Variants in PVT1 observed in about 807,000 individuals in gnomAD.
PVT1 encodes Pvt1 oncogene, also known as CXCR4/PVT1 fusion.
rs184867240 is a variant in PVT1 at position 128,005,974 on chromosome 8, G to A, written n.912+16683G>A. 9.4e-4 allele frequency among the ~76,000 whole-genome samples: 143 copies of A among 151,992 alleles called. 1 individual carries two copies. The highest frequency in any genetic ancestry group is 1.7e-3 in the Non-Finnish European group (113 of 67,958). ...AAAAATTAGCCAGATGTGGTAGTGC[G>A]CGCCTGTAGTCCCAGCTACTCAGGG... is the stretch of plus-strand genomic sequence containing the variant. On this transcript the variant is annotated intron_variant and non_coding_transcript_variant, in intron 4 of 10. Coordinates refer to ENST00000651587, the Ensembl canonical transcript of PVT1.
chr8:128,083,444 C>G (rs902832794), intron 5 of PVT1, among the ~76,000 whole-genome samples: 1 of 152,200 alleles, frequency 6.6e-6, no homozygotes, highest in Non-Finnish European at 1.5e-5. Flanking sequence ...GAAACTCCCC[C>G]TAAAATCTGT....
intron 2 of PVT1, among the ~76,000 whole-genome samples, chr8:127,864,286 G>A (rs1345814669): frequency 5.9e-5 from 9 of 152,002 alleles, no homozygotes; most frequent in East Asian, 1.9e-4. Flanking sequence ...AGAGCCTGCC[G>A]GCTGGAACTG....
At chr8:127,901,980 A>G (rs930287114) in intron 3 of PVT1, among the ~76,000 whole-genome samples, 4 of 151,886 alleles carry the variant, frequency 2.6e-5, no homozygotes, top group African/African-American at 7.3e-5. Flanking sequence ...AGTGCATACT[A>G]TGAAATAACC....
intron 2 of PVT1, among the ~76,000 whole-genome samples, chr8:127,883,355 G>T (rs1815490920): frequency 6.6e-6 from 1 of 152,120 alleles, no homozygotes; most frequent in Admixed American, 6.5e-5. Flanking sequence ...GCGCAGAGGT[G>T]GTCTGTTGGT....
intron 2 of PVT1, among the ~76,000 whole-genome samples, chr8:127,809,029 CAAAAAAAAAAAAAA>C (rs1158760672): frequency 3.5e-5 from 1 of 28,286 alleles, no homozygotes; most frequent in Admixed American, 4.4e-4. Flanking sequence ...GATTCCATCT[CAAAAAAAAAAAAAA>C]AAAAAAAAAA....
chr8:128,077,920 A>T (rs961462407), intron 5 of PVT1, among the ~76,000 whole-genome samples: 3 of 152,158 alleles, frequency 2.0e-5, no homozygotes, highest in African/African-American at 7.2e-5. Flanking sequence ...GGGTTGGTGG[A>T]TGGGGTAGAA....
chr8:127,924,508 A>ATT (rs140569442), intron 3 of PVT1, among the ~76,000 whole-genome samples: 9 of 92,198 alleles, frequency 9.8e-5, no homozygotes, highest in African/African-American at 1.4e-4. Context: ...TAACTTTTGT[A>ATT]TTTTTTTTTT....
At chr8:127,814,454 G>T (rs931763040) in intron 2 of PVT1, among the ~76,000 whole-genome samples, 1 of 152,186 alleles carries the variant, frequency 6.6e-6, no homozygotes, top group Non-Finnish European at 1.5e-5. Context: ...AGTTCCAGCT[G>T]CACGCTGGGC....
At position 127,797,221 on chromosome 8, in the gene PVT1, G is replaced by A. The variant is rs186415059; in HGVS notation, n.372+1150G>A. Reference sequence around the variant, plus strand: ...CTAATTTTGTATTTTTAGTAGAGACGGAGTTTCTCCAGATTGGTCAAGCTG... The same window carrying A: ...CTAATTTTGTATTTTTAGTAGAGACAGAGTTTCTCCAGATTGGTCAAGCTG... On this transcript the variant is annotated intron_variant and non_coding_transcript_variant, in intron 2 of 10. Coordinates refer to ENST00000651587, the Ensembl canonical transcript of PVT1. Among the ~76,000 whole-genome samples, 88 of 152,272 alleles carry A rather than the reference G, an allele frequency of 5.8e-4. 1 individual carries two copies. The highest frequency in any genetic ancestry group is 4.2e-3 in the Admixed American group (64 of 15,294).
At chr8:127,802,462 T>C (rs577404532) in intron 2 of PVT1, among the ~76,000 whole-genome samples, 35 of 151,540 alleles carry the variant, frequency 2.3e-4, no homozygotes, top group Middle Eastern at 3.5e-3. Context: ...GCAATCTGCC[T>C]TCCTCAGCCT....
At chr8:128,020,386 C>T (rs763044872) in intron 4 of PVT1, among the ~76,000 whole-genome samples, 10 of 152,274 alleles carry the variant, frequency 6.6e-5, no homozygotes, top group African/African-American at 9.6e-5. Context: ...AGGTTTTCTC[C>T]GACTGTGATC....
chr8:127,910,835 T>A (rs1421002990), intron 3 of PVT1, among the ~76,000 whole-genome samples: 2 of 152,090 alleles, frequency 1.3e-5, no homozygotes, highest in Non-Finnish European at 2.9e-5. Flanking sequence ...GCCCCAACAG[T>A]CTGGCTCCAG....
At chr8:128,047,829 G>GTA (rs1409314607) in intron 4 of PVT1, among the ~76,000 whole-genome samples, 3 of 152,082 alleles carry the variant, frequency 2.0e-5, no homozygotes, top group Non-Finnish European at 2.9e-5. Flanking sequence ...ATTCCACAAT[G>GTA]TATACATCAT....
At chr8:127,864,790 C>T (rs924537056) in intron 2 of PVT1, among the ~76,000 whole-genome samples, 3 of 152,102 alleles carry the variant, frequency 2.0e-5, no homozygotes, top group East Asian at 1.9e-4. Context: ...CCTCGTGATC[C>T]GCCCGCCTCA....
chr8:127,932,585 A>G, intron 3 of PVT1: 1 of 398,614 alleles, frequency 2.5e-6, no homozygotes, highest in African/African-American at 2.1e-5. Context: ...CTGGACTCCC[A>G]TTGAACTCTG....
chr8:127,839,608 TA>T (rs1814950434), intron 2 of PVT1, among the ~76,000 whole-genome samples: 1 of 144,882 alleles, frequency 6.9e-6, no homozygotes, highest in Non-Finnish European at 1.5e-5. Context: ...ATAAAATAAT[TA>T]AAAAAAGAGC....
At chr8:127,994,644 G>C (rs1395556037) in intron 4 of PVT1, among the ~76,000 whole-genome samples, 2 of 152,110 alleles carry the variant, frequency 1.3e-5, no homozygotes, top group Non-Finnish European at 2.9e-5. Flanking sequence ...TAAGGTATTG[G>C]CTCATGCAAT....
intron 3 of PVT1, among the ~76,000 whole-genome samples, chr8:127,911,617 G>A (rs1045050056): frequency 1.3e-4 from 20 of 152,332 alleles, no homozygotes; most frequent in Admixed American, 6.5e-4. Flanking sequence ...CCACCCCTGC[G>A]TAGTCCCTGT....
intron 3 of PVT1, among the ~76,000 whole-genome samples, chr8:127,916,390 C>T (rs1306304299): frequency 1.3e-5 from 2 of 152,106 alleles, no homozygotes; most frequent in African/African-American, 4.8e-5. Context: ...GGTTGGTGCT[C>T]AATAATGATT....
Sources: gnomAD v4.1 joint callset for allele counts (sites outside exome capture counted in the v4.1 genomes callset) on GRCh38, gnomAD v4.1.1 for gene constraint, MANE v1.5 for transcripts, NCBI Gene and HGNC (gene_info 2026-07-23, HGNC 2026-07-21) for gene names.